The following TAF1B variants were observed in gnomAD, a reference collection of about 807,000 sequenced individuals.
The protein encoded by TAF1B is TATA box-binding protein-associated factor RNA polymerase I subunit B.
A neutral mutation model predicts 83.9 loss-of-function variants in TAF1B; 61 were observed. The observed-to-expected ratio is 0.73, with a 90% CI of 0.59 to 0.90. The LOEUF (loss-of-function observed/expected upper bound fraction) is 0.90, where lower values mean the gene tolerates loss of function less well. Among genes scored for constraint, TAF1B ranks in the 40% least tolerant of loss-of-function variants. The pLI, the probability that TAF1B is intolerant of heterozygous loss-of-function variation, is 0.00. For synonymous variants in TAF1B, 221 were observed against 224.6 expected (o/e 0.98, Z 0.14); for missense variants, 625 against 677.0 (o/e 0.92, Z 0.85).
At chr2:9,886,063 A>T (rs536336487) in intron 8 of TAF1B, among the ~76,000 whole-genome samples, 1 of 152,300 alleles carries the variant, frequency 6.6e-6, no homozygotes, top group South Asian at 2.1e-4. Context: ...CCTATTCTTC[A>T]TTAGGATTTT....
At chr2:9,849,014 A>G (rs995608176) in intron 2 of TAF1B, among the ~76,000 whole-genome samples, 1 of 152,262 alleles carries the variant, frequency 6.6e-6, no homozygotes, top group Admixed American at 6.5e-5. Flanking sequence ...CAAAAAATAC[A>G]TAAAACTGTT....
chr2:9,853,396 A>G (rs1464761946), intron 4 of TAF1B, among the ~76,000 whole-genome samples: 2 of 152,158 alleles, frequency 1.3e-5, no homozygotes, highest in African/African-American at 4.8e-5. Flanking sequence ...GCTGTCTTAC[A>G]ATATTGTGTT....
intron 8 of TAF1B, among the ~76,000 whole-genome samples, chr2:9,886,793 G>T (rs965519637): frequency 6.6e-6 from 1 of 152,192 alleles, no homozygotes; most frequent in African/African-American, 2.4e-5. Flanking sequence ...CCGGCCAGGC[G>T]CAGTGGCTTA....
intron 12 of TAF1B, among the ~76,000 whole-genome samples, chr2:9,916,642 A>T (rs1665687696): frequency 6.6e-6 from 1 of 152,190 alleles, no homozygotes; most frequent in African/African-American, 2.4e-5. Context: ...TAAGAAAATT[A>T]ATGGCAAAAA....
intron 12 of TAF1B, 26 bp downstream of exon 12, chr2:9,913,275 G>A (rs1195174744): frequency 6.4e-7 from 1 of 1,566,880 alleles, no homozygotes; most frequent in Non-Finnish European, 8.8e-7. Context: ...TGGTTTAGAT[G>A]CACCTGCCTT....
At chr2:9,882,285 A>G (rs1165913314) in intron 7 of TAF1B, among the ~76,000 whole-genome samples, 1 of 152,128 alleles carries the variant, frequency 6.6e-6, no homozygotes, top group Non-Finnish European at 1.5e-5. Context: ...TTTTTAATAG[A>G]GACGGGGTTT....
intron 14 of TAF1B, among the ~76,000 whole-genome samples, chr2:9,926,804 CAAA>C (rs71391175): frequency 2.9e-5 from 3 of 104,808 alleles, no homozygotes; most frequent in African/African-American, 8.2e-5. Flanking sequence ...GACTCTGTCT[CAAA>C]AAAAAAAAAA....
rs1334313547 is a variant in TAF1B, at chr2:9,843,474, C to T, written c.-68C>T. On this transcript the variant is annotated 5_prime_UTR_variant, in exon 1 of 15. Transcript: ENST00000263663. ...GTTTCCGGCCGGAAGCTTCTCCAGCCTTTCCCGGAAGCTGCGCTCGCTACC... is the reference window on the plus strand; with the variant it reads ...GTTTCCGGCCGGAAGCTTCTCCAGCTTTTCCCGGAAGCTGCGCTCGCTACC... 2.6e-6 allele frequency: 4 copies of T among 1,514,186 alleles called. No individual in the cohort carries two copies. Among genetic ancestry groups the T allele is most frequent in the South Asian group, 2.4e-5 (2 of 82,138 alleles). The allele number at this position is 1,514,186 out of a possible 1,614,324, so 93.8% of individuals were successfully genotyped here.
chr2:9,879,436 AT>A (rs1664426197), intron 7 of TAF1B, among the ~76,000 whole-genome samples: 1 of 152,186 alleles, frequency 6.6e-6, no homozygotes, highest in Non-Finnish European at 1.5e-5. Flanking sequence ...AGATGGCATG[AT>A]ATTTCATCAT....
intron 9 of TAF1B, among the ~76,000 whole-genome samples, chr2:9,907,852 T>A (rs1490977183): frequency 6.6e-6 from 1 of 152,016 alleles, no homozygotes; most frequent in East Asian, 1.9e-4. Context: ...AGCTGGTAGA[T>A]GGCAGAGTAG....
chr2:9,881,824 C>T (rs1024389258), intron 7 of TAF1B, among the ~76,000 whole-genome samples: 1 of 152,210 alleles, frequency 6.6e-6, no homozygotes, highest in Non-Finnish European at 1.5e-5. Context: ...ATTTGATCCA[C>T]TGTGTACCAG....
chr2:9,916,847 T>TTTTTTTTTC (rs1665695729), intron 12 of TAF1B, among the ~76,000 whole-genome samples: 2 of 144,460 alleles, frequency 1.4e-5, no homozygotes, highest in South Asian at 4.5e-4. Context: ...CTTTTTTTTT[T>TTTTTTTTTC]TTTTTTTTGA....
intron 2 of TAF1B, among the ~76,000 whole-genome samples, chr2:9,847,199 G>A (rs779829441): frequency 6.6e-6 from 1 of 152,192 alleles, no homozygotes; most frequent in African/African-American, 2.4e-5. Flanking sequence ...CTCCTGTGGA[G>A]TAATTTGTCA....
At chr2:9,888,014 A>G (rs1664732336) in intron 8 of TAF1B, among the ~76,000 whole-genome samples, 1 of 152,110 alleles carries the variant, frequency 6.6e-6, no homozygotes, top group African/African-American at 2.4e-5. Context: ...CCCCACAGCC[A>G]ACTAATTAAA....
chr2:9,921,525 A>G (rs995204110), intron 14 of TAF1B, among the ~76,000 whole-genome samples: 2 of 152,234 alleles, frequency 1.3e-5, no homozygotes, highest in Admixed American at 6.5e-5. Context: ...GTACTTGATA[A>G]AAATAAGTCA....
At chr2:9,852,068 G>A (rs1160265130) in intron 4 of TAF1B, 3 of 470,768 alleles carry the variant, frequency 6.4e-6, no homozygotes, top group Non-Finnish European at 1.3e-5. Flanking sequence ...ACTTTGGACA[G>A]CGATATGCTA....
Position 9,910,751 on chromosome 2 carries a change from T to C in TAF1B, c.971T>C (p.Leu324Ser), listed in dbSNP as rs376640586. The C allele has an allele frequency of 1.2e-5, 19 of 1,611,172 alleles. No individual in the cohort carries two copies. The highest frequency in any genetic ancestry group is 1.6e-5 in the Non-Finnish European group (19 of 1,178,538). Residue 324 changes from leucine (L) to serine (S), a missense_variant, in exon 10 of 15, where the codon TTA becomes TCA. Leu to Ser is a moderately radical substitution (Grantham distance 145). Transcript: ENST00000263663. ...TGTTCTTCAGATGAAATGCATAGCT[T>C]AACTTGCCACGTGGTAAAAATGACT... is the stretch of plus-strand genomic sequence containing the variant. ...EVNLPDEMHS[L>S]TCHVVKMTGM...
intron 5 of TAF1B, among the ~76,000 whole-genome samples, chr2:9,864,223 A>G (rs1434738457): frequency 6.6e-6 from 1 of 152,064 alleles, no homozygotes; most frequent in African/African-American, 2.4e-5. Context: ...AGAAGAAAAG[A>G]GAGAAGAATC....
chr2:9,876,555 T>C (rs752922909), intron 7 of TAF1B, among the ~76,000 whole-genome samples: 1 of 152,210 alleles, frequency 6.6e-6, no homozygotes, highest in Non-Finnish European at 1.5e-5. Flanking sequence ...AATTACAGTT[T>C]TATGTGTAAG....
Sources: allele counts gnomAD v4.1 joint callset (sites outside exome capture counted in the v4.1 genomes callset), GRCh38; gene constraint gnomAD v4.1.1; transcripts MANE v1.5; gene names NCBI Gene and HGNC (gene_info 2026-07-23, HGNC 2026-07-21).